The following SPON2 variants were observed in gnomAD, a reference collection of about 807,000 sequenced individuals.
SPON2 encodes spondin-2.
In SPON2, 32 loss-of-function variants were observed where a neutral mutation model predicts 29.9. The ratio of observed to expected loss-of-function variants is 1.07; its 90% CI spans 0.81 to 1.44. The LOEUF is 1.44. Ranked by LOEUF, SPON2 falls within the 40% of genes most tolerant of loss-of-function variation. The probability of loss-of-function intolerance (pLI) is 0.00; values close to 1 mark genes in which losing one functional copy is unlikely to be tolerated. For synonymous variants in SPON2, 248 were observed against 209.1 expected (o/e 1.19, Z -1.61); for missense variants, 541 against 455.5 (o/e 1.19, Z -1.71).
At chr4:1,175,028 C>T (rs1466953477), upstream of SPON2, among the ~76,000 whole-genome samples, 1 of 152,236 alleles carries the variant, frequency 6.6e-6, no homozygotes, top group African/African-American at 2.4e-5. Flanking sequence ...CTCCACGAGT[C>T]CCCAGAGCAG....
chr4:1,167,608 C>G lies in SPON2; in HGVS notation c.860G>C (p.Gly287Ala), dbSNP rs1479558078. 6.2e-7 allele frequency: 1 copy of G among 1,613,196 alleles called. No homozygotes were observed. Among genetic ancestry groups the G allele is most frequent in the Non-Finnish European group, 8.5e-7 (1 of 1,179,882 alleles). Residue 287 changes from glycine to alanine, a missense_variant, in exon 6 of 6, where the codon GGA becomes GCA. Gly to Ala is a moderately conservative substitution (Grantham distance 60). Transcript: ENST00000290902. ...CCTCCCACAGTGGCCTCCGCACAGT[C>G]CCCAGGACGACCACAGGGAGACCTC... ...DCEVSLWSSW[G>A]LCGGHCGRLG...
At chr4:1,197,356 A>G (rs1576997790), upstream of SPON2, among the ~76,000 whole-genome samples, 1 of 152,258 alleles carries the variant, frequency 6.6e-6, no homozygotes, top group East Asian at 1.9e-4. Flanking sequence ...TGTAAAATAA[A>G]TAACGGAAAG....
intron 1 of SPON2, among the ~76,000 whole-genome samples, chr4:1,206,464 CG>C: frequency 6.6e-6 from 1 of 152,354 alleles, no homozygotes; most frequent in East Asian, 1.9e-4. Context: ...CTGTGACAGA[CG>C]AGAAGAGGGA....
chr4:1,196,928 G>C (rs1416702539), upstream of SPON2: 1 of 152,344 alleles, frequency 6.6e-6, no homozygotes, highest in African/African-American at 2.4e-5. Context: ...TGAGGCCAAG[G>C]GGAGAGGAAA....
chr4:1,171,811 C>A lies in SPON2; in HGVS notation c.220+41G>T, dbSNP rs761936028. 2.7e-6 allele frequency: 4 copies of A among 1,471,888 alleles called. No homozygotes were observed. The African/African-American group carries it at 4.1e-5, about 15-fold the overall frequency. 91.2% of individuals were successfully genotyped at this position (1,471,888 alleles called of 1,614,324 possible). A position where few individuals can be genotyped will look rare whatever the true frequency, so the allele number is the denominator to read the frequency against. ...GTGCGGGGGGCTCCGGCGCCGCAGC[C>A]CTCCTGGTGGAGCAGGAGGCGAGGA... On this transcript the variant is annotated intron_variant, in intron 2 of 5. Transcript: ENST00000290902.
At chr4:1,184,397 G>A (rs1727754069) in intron 1 of SPON2, among the ~76,000 whole-genome samples, 3 of 152,022 alleles carry the variant, frequency 2.0e-5, no homozygotes, top group Non-Finnish European at 4.4e-5. Flanking sequence ...AAAGACACAA[G>A]TACACTGAAA....
intron 1 of SPON2, among the ~76,000 whole-genome samples, chr4:1,200,368 CG>C (rs1288811081): frequency 4.2e-5 from 6 of 141,230 alleles, no homozygotes; most frequent in African/African-American, 1.5e-4. Context: ...CAGGGTGGGT[CG>C]GGGCTGGGGA....
upstream of SPON2, among the ~76,000 whole-genome samples, chr4:1,174,538 TGAG>T (rs1249662859): frequency 6.6e-6 from 1 of 151,222 alleles, no homozygotes; most frequent in Non-Finnish European, 1.5e-5. Flanking sequence ...AAAAACTAAT[TGAG>T]GACACTGAAG....
Position 1,171,892 on chromosome 4 carries a change from G to A in SPON2, c.180C>T (p.Tyr60=), listed in dbSNP as rs144576850. ...KWSQTAFPKQ[Y]PLFRPPAQWS... ...ACTGCGCAGGGGGGCGGAACAGGGG[G>A]TACTGCTTGGGGAAGGCCGTCTGGC... The change falls in exon 2 of 6, where the codon TAC becomes TAT. Residue 60 remains tyrosine, a synonymous_variant. Transcript: ENST00000290902. The A allele has an allele frequency of 1.5e-5, 25 of 1,612,966 alleles. No individual in the cohort carries two copies. In the African/African-American group the frequency reaches 2.9e-4, roughly 19 times the overall value.
chr4:1,176,745 A>G (rs544805643), upstream of SPON2, among the ~76,000 whole-genome samples: 3 of 151,874 alleles, frequency 2.0e-5, no homozygotes, highest in Non-Finnish European at 4.4e-5. Context: ...CAGTACATTC[A>G]TGCACTAATT....
chr4:1,186,267 T>A (rs1262292891), intron 1 of SPON2, among the ~76,000 whole-genome samples: 6 of 140,996 alleles, frequency 4.3e-5, no homozygotes, highest in South Asian at 2.4e-4. Context: ...AAAGGCAACA[T>A]CAACAGAGTA....
rs953448679 is a variant in SPON2 at position 1,202,050 on chromosome 4, C to T, written c.-234+5830G>A. Among the ~76,000 whole-genome samples, 16 of 152,220 alleles carry T rather than the reference C, an allele frequency of 1.1e-4. No homozygotes were observed. The highest frequency in any genetic ancestry group is 2.9e-4 in the African/African-American group (12 of 41,450). ...GCAACCATCCCCACTCATCTCACTC[C>T]GGAACACGTTCATCATCCGCAGAAG... On this transcript the variant is annotated intron_variant, in intron 1 of 3. Coordinates refer to the SPON2 transcript ENST00000509233. The surrounding 1 kb of genome is among the most constrained non-coding windows in gnomAD (Gnocchi z 5.4).
In SPON2 at chr4:1,167,653, G is replaced by A. The variant is rs544491543; in HGVS notation, c.815C>T (p.Pro272Leu). Reference sequence around the variant, plus strand: ...GACCTCGCAGTCCAGCGGCGTTTCTGGAACTGGACCAAGCAAAGGGGAGAC... The same window carrying A: ...GACCTCGCAGTCCAGCGGCGTTTCTAGAACTGGACCAAGCAAAGGGGAGAC... ...DNEIVDSASV[P>L]ETPLDCEVSL... The change falls in exon 6 of 6, where the codon CCA becomes CTA. Residue 272 changes from proline (P) to leucine (L), a missense_variant. Transcript: ENST00000290902. The A allele has an allele frequency of 6.2e-7, 1 of 1,601,112 alleles. No homozygotes were observed. Among genetic ancestry groups the A allele is most frequent in the Non-Finnish European group, 8.5e-7 (1 of 1,172,632 alleles).
In SPON2 at chr4:1,171,968, C is replaced by T; in HGVS notation, c.104G>A (p.Cys35Tyr). ...AGQPLGGESI[C>Y]SARALAKYSI... is the part of the protein sequence containing the mutation. ...GTATTTGGCCAGGGCTCTGGCGGAA[C>T]AGATGGACTCTCCCCCAAGAGGCTG... Residue 35 changes from cysteine (C) to tyrosine (Y), a missense_variant, in exon 2 of 6, where the codon TGT becomes TAT. Cys to Tyr is a radical substitution (Grantham distance 194). Transcript: ENST00000290902. The T allele has an allele frequency of 1.2e-6, 2 of 1,612,968 alleles. No individual in the cohort carries two copies. The highest frequency in any genetic ancestry group is 1.7e-6 in the Non-Finnish European group (2 of 1,179,914).
chr4:1,173,022 T>C (rs1261717525), upstream of SPON2: 1 of 150,998 alleles, frequency 6.6e-6, no homozygotes, highest in Admixed American at 6.6e-5. Context: ...GGGAGTTCTT[T>C]GCCCCAAGCC....
At chr4:1,177,853 C>A (rs947256877), upstream of SPON2, among the ~76,000 whole-genome samples, 1 of 152,294 alleles carries the variant, frequency 6.6e-6, no homozygotes, top group East Asian at 1.9e-4. Context: ...CGCGGAGTAC[C>A]CACCCACGGG....
intron 1 of SPON2, chr4:1,200,556 G>T: frequency 3.0e-6 from 1 of 337,316 alleles, no homozygotes; most frequent in Non-Finnish European, 5.9e-6. Context: ...CAGGGAACGT[G>T]TAAACCATGA....
chr4:1,194,908 C>CTGCAGCCGGCGGCTCCAACCT (rs1560210517), intron 1 of SPON2: 1 of 132,258 alleles, frequency 7.6e-6, no homozygotes, highest in Non-Finnish European at 1.7e-5. Flanking sequence ...GACTCCAACC[C>CTGCAGCCGGCGGCTCCAACCT]CGCAGCCGGC....
upstream of SPON2, among the ~76,000 whole-genome samples, chr4:1,176,917 G>A (rs1324278024): frequency 7.8e-6 from 1 of 128,684 alleles, no homozygotes; most frequent in Non-Finnish European, 1.6e-5. Context: ...TTAACCACAA[G>A]GTGAGTATTC....
Sources: allele counts gnomAD v4.1 joint callset (sites outside exome capture counted in the v4.1 genomes callset), GRCh38; gene constraint gnomAD v4.1.1; non-coding constraint Gnocchi (gnomAD v3.1); transcripts MANE v1.5; gene names NCBI Gene and HGNC (gene_info 2026-07-23, HGNC 2026-07-21).